The following GALNT17 variants were observed in gnomAD, a reference collection of about 807,000 sequenced individuals.
GALNT17 encodes UDP-GalNAc:polypeptide N-acetylgalactosaminyltransferase-like 3.
A neutral mutation model predicts 63.7 loss-of-function variants in GALNT17; 29 were observed. The observed-to-expected ratio is 0.46, with a 90% confidence interval of 0.34 to 0.62. The LOEUF is 0.62. GALNT17 is among the 20% of genes least tolerant of loss of function. The pLI is 0.01. For missense variants in GALNT17, 603 were observed against 799.6 expected (o/e 0.75, Z 2.97); for synonymous variants, 305 against 318.3 (o/e 0.96, Z 0.45).
At chr7:71,324,557 T>G (rs1047510815) in intron 1 of GALNT17, among the ~76,000 whole-genome samples, 1 of 151,908 alleles carries the variant, frequency 6.6e-6, no homozygotes, top group African/African-American at 2.4e-5. Context: ...ACTTGGGAGG[T>G]TGAGGCAGGA....
chr7:71,192,037 G>A (rs1179581556), intron 1 of GALNT17, among the ~76,000 whole-genome samples: 1 of 152,154 alleles, frequency 6.6e-6, no homozygotes, highest in Non-Finnish European at 1.5e-5. Flanking sequence ...TGTGGCCAAA[G>A]GCCCAAGAGC....
At chr7:71,566,040 G>C (rs1015122864) in intron 5 of GALNT17, among the ~76,000 whole-genome samples, 1 of 151,410 alleles carries the variant, frequency 6.6e-6, no homozygotes, top group Non-Finnish European at 1.5e-5. Context: ...TTGTTTGTTT[G>C]TTTGTTTGTT....
At position 71,663,517 on chromosome 7, in the gene GALNT17, T is replaced by C. The variant is rs535179502; in HGVS notation, c.1081-1894T>C. On this transcript the variant is annotated intron_variant, in intron 6 of 10. Transcript: ENST00000333538. Reference sequence around the variant, plus strand: ...CTTCCTTCCATGGCCAGCAGCTGGGTCTAACCTAACATGCGAGGGCATCTA... The same window carrying C: ...CTTCCTTCCATGGCCAGCAGCTGGGCCTAACCTAACATGCGAGGGCATCTA... Among the ~76,000 whole-genome samples the C allele has an allele frequency of 5.0e-4, 76 of 152,204 alleles. 1 individual carries two copies. Among genetic ancestry groups the C allele is most frequent in the African/African-American group, 1.8e-3 (75 of 41,528 alleles).
chr7:71,246,384 A>G (rs948963614), intron 1 of GALNT17, among the ~76,000 whole-genome samples: 1 of 151,600 alleles, frequency 6.6e-6, no homozygotes, highest in Non-Finnish European at 1.5e-5. Flanking sequence ...TGGTCTTCCA[A>G]AATGCTGGGA....
In GALNT17 at chr7:71,606,152, A is replaced by G. The variant is rs544574909; in HGVS notation, c.1080+34750A>G. ...TTTTTTTTTGTACAGACAGGGTTTC[A>G]TTATGCTGCCCAGGCTGGTCTCAAA... On this transcript the variant is annotated intron_variant, in intron 6 of 10. Coordinates refer to ENST00000333538, the MANE Select transcript of GALNT17 (RefSeq NM_022479.3). Among the ~76,000 whole-genome samples the G allele has an allele frequency of 7.5e-5, 10 of 132,574 alleles. 2 individuals are homozygous for G. In the South Asian group the frequency reaches 1.6e-3, roughly 21 times the overall value. The allele number at this position is 132,574 out of a possible 152,430, so 87.0% of individuals were successfully genotyped here.
At chr7:71,301,451 TTTAA>T (rs1350558194) in intron 1 of GALNT17, among the ~76,000 whole-genome samples, 2 of 148,012 alleles carry the variant, frequency 1.4e-5, no homozygotes, top group East Asian at 1.9e-4. Flanking sequence ...TTAAATATTG[TTTAA>T]TTATTATAAA....
intron 6 of GALNT17, among the ~76,000 whole-genome samples, chr7:71,594,187 G>A (rs1233260324): frequency 6.6e-6 from 1 of 152,130 alleles, no homozygotes; most frequent in African/African-American, 2.4e-5. Context: ...GGGACCAGCT[G>A]GGGTGGATGG....
Position 71,682,172 on chromosome 7 carries a change from C to T in GALNT17, c.1500+4866C>T, listed in dbSNP as rs534709176. Among the ~76,000 whole-genome samples, 220 of 152,152 alleles carry T rather than the reference C, an allele frequency of 1.4e-3. 1 individual carries two copies. The highest frequency in any genetic ancestry group is 8.4e-4 in the Non-Finnish European group (57 of 68,006). ...AAACTCCCGACCTCAGGTGATCCAC[C>T]CACCTTGGCCTCGCAAAGTGCTGGG... On this transcript the variant is annotated intron_variant, in intron 9 of 10. Coordinates refer to ENST00000333538, the MANE Select transcript of GALNT17 (RefSeq NM_022479.3).
At chr7:71,469,957 C>A (rs913422432) in intron 5 of GALNT17, among the ~76,000 whole-genome samples, 1 of 152,154 alleles carries the variant, frequency 6.6e-6, no homozygotes, top group Non-Finnish European at 1.5e-5. Flanking sequence ...GCCTATAATC[C>A]CAACACTTTG....
At chr7:71,423,265 C>G (rs1221686207) in intron 5 of GALNT17, among the ~76,000 whole-genome samples, 2 of 152,198 alleles carry the variant, frequency 1.3e-5, no homozygotes, top group Non-Finnish European at 2.9e-5. Flanking sequence ...CCCAGCACTT[C>G]CCTGCCCCTG....
At chr7:71,684,492 A>T (rs1744003482) in intron 9 of GALNT17, among the ~76,000 whole-genome samples, 1 of 152,102 alleles carries the variant, frequency 6.6e-6, no homozygotes, top group African/African-American at 2.4e-5. Context: ...CTCTGGCCCC[A>T]TAGCCGCGTG....
chr7:71,388,130 G>T, intron 2 of GALNT17, 105 bp from the exon 3 acceptor site: 1 of 1,256,838 alleles, frequency 8.0e-7, no homozygotes, highest in South Asian at 1.4e-5. Flanking sequence ...CACGCCTTGG[G>T]ACGACTGGAT....
intron 1 of GALNT17, among the ~76,000 whole-genome samples, chr7:71,173,755 A>G (rs1238083873): frequency 6.6e-6 from 1 of 152,094 alleles, no homozygotes; most frequent in Non-Finnish European, 1.5e-5. Context: ...CTTGTGCGAT[A>G]GGGCGAGACT....
chr7:71,189,350 C>T (rs954939341), intron 1 of GALNT17, among the ~76,000 whole-genome samples: 3 of 152,116 alleles, frequency 2.0e-5, no homozygotes, highest in East Asian at 1.9e-4. Flanking sequence ...TACCCTGTCT[C>T]GGGTATGTGA....
intron 1 of GALNT17, among the ~76,000 whole-genome samples, chr7:71,194,703 A>G (rs1244942924): frequency 1.3e-5 from 2 of 152,174 alleles, no homozygotes; most frequent in Non-Finnish European, 2.9e-5. Flanking sequence ...GTTCTTGGAT[A>G]TGATCTTCTT....
At chr7:71,542,682 T>A (rs1788912910) in intron 5 of GALNT17, among the ~76,000 whole-genome samples, 1 of 108,322 alleles carries the variant, frequency 9.2e-6, no homozygotes, top group African/African-American at 3.8e-5. Flanking sequence ...AGCGACAGAG[T>A]GAGACTCCCT....
chr7:71,663,441 C>T (rs1790937771), intron 6 of GALNT17, among the ~76,000 whole-genome samples: 1 of 152,166 alleles, frequency 6.6e-6, no homozygotes, highest in Admixed American at 6.5e-5. Flanking sequence ...TCTAAGACAC[C>T]AGTTTCCTGT....
chr7:71,587,416 A>G (rs1789735664), intron 6 of GALNT17, among the ~76,000 whole-genome samples: 1 of 152,012 alleles, frequency 6.6e-6, no homozygotes, highest in Non-Finnish European at 1.5e-5. Context: ...TTGAGCTTAT[A>G]GTTAATTTGT....
intron 1 of GALNT17, among the ~76,000 whole-genome samples, chr7:71,133,318 A>C (rs1383765248): frequency 6.6e-6 from 1 of 152,174 alleles, no homozygotes; most frequent in East Asian, 1.9e-4. Context: ...GCGGACTGGA[A>C]ATCATTCCCT....
Sources: allele counts gnomAD v4.1 joint callset (sites outside exome capture counted in the v4.1 genomes callset), GRCh38; gene constraint gnomAD v4.1.1; transcripts MANE v1.5; gene names NCBI Gene and HGNC (gene_info 2026-07-23, HGNC 2026-07-21).